The following CENPX variants were observed in gnomAD, a reference collection of about 807,000 sequenced individuals.
CENPX encodes the protein centromere protein X.
In CENPX, 13 loss-of-function variants were observed where a neutral mutation model predicts 13.2. That is an observed-to-expected ratio of 0.98 (90% confidence interval 0.64 to 1.56). CENPX has a LOEUF of 1.56. Among genes scored for constraint, CENPX ranks in the 40% most tolerant of loss-of-function variants. The pLI is 0.00. For synonymous variants in CENPX, 66 were observed against 47.2 expected (o/e 1.40, Z -1.63); for missense variants, 138 against 107.5 (o/e 1.28, Z -1.26).
At chr17:82,021,459 G>A (rs1163074461) in intron 1 of CENPX, among the ~76,000 whole-genome samples, 5 of 152,270 alleles carry the variant, frequency 3.3e-5, no homozygotes, top group Admixed American at 6.5e-5. Context: ...AGAGAGTGGC[G>A]GATGCCAGGT....
chr17:82,019,834 T>TCCCCCC, intron 2 of CENPX, 24 bp downstream of exon 2: 2 of 1,207,752 alleles, frequency 1.7e-6, no homozygotes, highest in Non-Finnish European at 2.4e-6. Flanking sequence ...GGGACCCACC[T>TCCCCCC]CCCGCCCGCA....
In CENPX at chr17:82,022,662, A is replaced by AGGGCGCG. The variant is rs931933041; in HGVS notation, c.36+157_36+163dup. 5.0e-6 allele frequency: 4 copies of AGGGCGCG among 806,840 alleles called. No homozygotes were observed. The Admixed American group carries it at 7.7e-5, about 16-fold the overall frequency. The allele number at this position is 806,840 out of a possible 1,614,324, so 50.0% of individuals were successfully genotyped here. A position where few individuals can be genotyped will look rare whatever the true frequency, so the allele number is the denominator to read the frequency against. ...ACCAGCTGCGAGACACCAGCCCACG[A>AGGGCGCG]GGGCGCGGGGCGCGCGGCCCGGCCG... On this transcript the variant is annotated intron_variant, in intron 1 of 4. Coordinates refer to ENST00000392359, the MANE Select transcript of CENPX (RefSeq NM_001271006.2).
At chr17:82,019,955 G>A (rs1056990107) in intron 1 of CENPX, 46 bp from the exon 2 acceptor site, 23 of 1,039,506 alleles carry the variant, frequency 2.2e-5, no homozygotes, top group South Asian at 2.9e-5. Flanking sequence ...CCTCCCCCCC[G>A]CACCCCCCAG....
intron 1 of CENPX, chr17:82,022,527 CCTCCT>C: frequency 1.9e-6 from 1 of 539,150 alleles, no homozygotes; most frequent in South Asian, 2.2e-5. Context: ...CGGCCCAGCT[CCTCCT>C]CTCTCTTCGC....
intron 1 of CENPX, among the ~76,000 whole-genome samples, chr17:82,022,427 C>T (rs931795741): frequency 2.6e-5 from 4 of 152,226 alleles, no homozygotes; most frequent in African/African-American, 9.6e-5. Flanking sequence ...GTAGGTCCTG[C>T]CGGCTCCTCG....
At chr17:82,019,733 C>A in intron 2 of CENPX, 39 bp from the exon 3 acceptor site, 2 of 1,549,120 alleles carry the variant, frequency 1.3e-6, no homozygotes, top group Non-Finnish European at 1.7e-6. Flanking sequence ...CCCTCACCCA[C>A]CGCTCTGGCT....
chr17:82,019,942 C>A, intron 1 of CENPX, 33 bp from the exon 2 acceptor site: 1 of 1,520,908 alleles, frequency 6.6e-7, no homozygotes, highest in Admixed American at 1.9e-5. Flanking sequence ...CGCCACGCCC[C>A]GCCCTCCCCC....
intron 1 of CENPX, 57 bp from the exon 2 acceptor site, chr17:82,019,966 G>T: frequency 1.4e-6 from 2 of 1,457,554 alleles, no homozygotes; most frequent in Non-Finnish European, 1.8e-6. Context: ...CACCCCCCAG[G>T]GTGGTGACCA....
rs777572379 is a variant in CENPX at position 82,019,199 on chromosome 17, A to G, written c.*6T>C. 54 of 1,571,680 alleles carry G rather than the reference A, an allele frequency of 3.4e-5. No individual in the cohort carries two copies. The South Asian group carries it at 5.8e-4, about 17-fold the overall frequency. ...CTGGGGGTGGCCTCAGCCACGGCTG[A>G]GATCCCTAGAAGTCCAGGAGCTGTG... On this transcript the variant is annotated 3_prime_UTR_variant, in exon 5 of 5. Coordinates refer to ENST00000392359, the MANE Select transcript of CENPX (RefSeq NM_001271006.2).
At chr17:82,019,466 C>G in intron 3 of CENPX, 85 bp from the exon 4 acceptor site, 1 of 1,508,864 alleles carries the variant, frequency 6.6e-7, no homozygotes, top group Non-Finnish European at 8.9e-7. Flanking sequence ...GGCCGGTGCC[C>G]CCCCCAACAC....
At chr17:82,021,054 C>A (rs2043272246) in intron 1 of CENPX, among the ~76,000 whole-genome samples, 1 of 152,210 alleles carries the variant, frequency 6.6e-6, no homozygotes, top group Non-Finnish European at 1.5e-5. Context: ...AAACAGGCCA[C>A]TAAAAGGGCA....
At chr17:82,021,795 C>T (rs1363866719) in intron 1 of CENPX, among the ~76,000 whole-genome samples, 2 of 152,226 alleles carry the variant, frequency 1.3e-5, no homozygotes, top group Middle Eastern at 3.2e-3. Flanking sequence ...TTCTCACAAC[C>T]ACCCAGTGAG....
intron 1 of CENPX, 142 bp downstream of exon 1, chr17:82,022,684 G>A (rs2043310685): frequency 5.0e-6 from 5 of 995,546 alleles, no homozygotes; most frequent in East Asian, 3.0e-5. Context: ...GCGCGGCCCG[G>A]CCGGAGATGG....
intron 1 of CENPX, among the ~76,000 whole-genome samples, chr17:82,020,275 T>C (rs1476936908): frequency 3.9e-5 from 6 of 152,232 alleles, no homozygotes; most frequent in African/African-American, 1.4e-4. Context: ...CAGAGGGCCA[T>C]GGCTCTGCTC....
intron 3 of CENPX, 77 bp from the exon 4 acceptor site, chr17:82,019,458 C>A: frequency 6.6e-7 from 1 of 1,511,756 alleles, no homozygotes. Context: ...TCAGCCTGGG[C>A]CGGTGCCCCC....
Position 82,019,295 on chromosome 17 carries a change from G to A in CENPX, c.229C>T (p.Leu77=). The A allele has an allele frequency of 6.3e-7, 1 of 1,595,556 alleles. No individual in the cohort carries two copies. The change falls in exon 4 of 5, where the codon CTG becomes TTG. Residue 77 remains leucine (L), a splice_region_variant and synonymous_variant. Coordinates refer to ENST00000392359, the MANE Select transcript of CENPX (RefSeq NM_001271006.2). ...CGCCCCGACCCACGCTCACGCACCA[G>A]CTGCGGAAGCACCTTCTCCAGCTGG... ...VDQLEKVLPQ[L]LLDF
intron 1 of CENPX, among the ~76,000 whole-genome samples, chr17:82,022,318 G>T (rs2043302220): frequency 6.6e-6 from 1 of 152,242 alleles, no homozygotes. Flanking sequence ...TGTCAAGTGT[G>T]TGTAACGTGG....
Position 82,019,868 on chromosome 17 carries a change from G to A in CENPX, c.78C>T (p.Asp26=), listed in dbSNP as rs758657803. ...CACCCCCACCCGCACCTTTGGTCTTGTCATCCTTGAAGTGCAGGTGCAGCA... is the reference window on the plus strand; with the variant it reads ...CACCCCCACCCGCACCTTTGGTCTTATCATCCTTGAAGTGCAGGTGCAGCA... ...SRLLHLHFKD[D]KTKVSGDALQ... The change falls in exon 2 of 5, where the codon GAC becomes GAT. Residue 26 remains aspartate (D), a synonymous_variant. Transcript: ENST00000392359. 1.5e-5 allele frequency: 23 copies of A among 1,542,790 alleles called. No individual in the cohort carries two copies. Among genetic ancestry groups the A allele is most frequent in the Non-Finnish European group, 2.0e-5 (22 of 1,125,074 alleles).
Position 82,022,817 on chromosome 17 carries a change from G to A in CENPX, c.36+9C>T, listed in dbSNP as rs768467495. On this transcript the variant is annotated intron_variant, in intron 1 of 4. Transcript: ENST00000392359. ...CGCGCCTGCCTAGCCCCTGCCCTCC[G>A]GCCCTCACCTTCCGGAAGCCGGATC... The A allele has an allele frequency of 8.2e-6, 13 of 1,584,884 alleles. No homozygotes were observed. The South Asian group carries it at 1.0e-4, about 13-fold the overall frequency.
Sources: gnomAD v4.1 joint callset for allele counts (sites outside exome capture counted in the v4.1 genomes callset) on GRCh38, gnomAD v4.1.1 for gene constraint, MANE v1.5 for transcripts, NCBI Gene and HGNC (gene_info 2026-07-23, HGNC 2026-07-21) for gene names.